The following RIMS2 variants were observed in gnomAD, a reference collection of about 807,000 sequenced individuals.
The protein encoded by RIMS2 is regulating synaptic membrane exocytosis protein 2.
A neutral mutation model predicts 174.4 loss-of-function variants in RIMS2; 59 were observed. The observed-to-expected ratio is 0.34, with a 90% CI of 0.27 to 0.42. The LOEUF (loss-of-function observed/expected upper bound fraction) is 0.42. RIMS2 is among the 10% of genes least tolerant of loss of function. The pLI, the probability that RIMS2 is intolerant of heterozygous loss-of-function variation, is 1.00. For missense variants in RIMS2, 1,620 were observed against 1,666.3 expected, an observed-to-expected ratio of 0.97 and a Z score of 0.48; for synonymous variants, 606 against 572.5, an observed-to-expected ratio of 1.06 and a Z score of -0.84.
intron 3 of RIMS2, among the ~76,000 whole-genome samples, chr8:103,772,682 C>T (rs1474169198): frequency 6.6e-6 from 1 of 152,078 alleles, no homozygotes; most frequent in East Asian, 1.9e-4. Context: ...TAGTTAGAGG[C>T]ATAACACTAC....
rs147752115 is a variant in RIMS2, at chr8:103,821,881, G to T, written c.698+55344G>T. Among the ~76,000 whole-genome samples the T allele has an allele frequency of 1.4e-4, 21 of 151,654 alleles. No individual in the cohort carries two copies. The East Asian group carries it at 4.1e-3, about 29-fold the overall frequency. ...TGTCATCAAAAGATCTCATATGCAA[G>T]AATTTAGATTTTTTTTCTGAATAAT... On this transcript the variant is annotated intron_variant, in intron 3 of 23. Transcript: ENST00000504942.
At chr8:103,577,315 A>G (rs2093320342) in intron 1 of RIMS2, among the ~76,000 whole-genome samples, 4 of 152,222 alleles carry the variant, frequency 2.6e-5, no homozygotes. Flanking sequence ...CAACAGACAC[A>G]TGAAAAAAAT....
intron 14 of RIMS2, among the ~76,000 whole-genome samples, chr8:103,944,687 C>T (rs1413124873): frequency 6.6e-6 from 1 of 152,042 alleles, no homozygotes. Context: ...AATATTTTCA[C>T]ATCCCCATAT....
chr8:104,245,202 C>A (rs1020082755), intron 20 of RIMS2, 145 bp downstream of exon 26: 2 of 734,130 alleles, frequency 2.7e-6, no homozygotes, highest in Middle Eastern at 4.0e-4. Context: ...GAACTTTGCT[C>A]ACCTGCCACT....
At chr8:103,942,917 A>G in exon 14 of RIMS2, 1 of 1,604,070 alleles carries the variant, frequency 6.2e-7, no homozygotes, top group Non-Finnish European at 8.5e-7. Context: ...CCCAACACGG[A>G]GGTTGCAAAG....
At chr8:103,950,306 C>T (rs1465364266) in intron 14 of RIMS2, among the ~76,000 whole-genome samples, 1 of 152,022 alleles carries the variant, frequency 6.6e-6, no homozygotes, top group Admixed American at 6.6e-5. Context: ...CAACAACTAA[C>T]ATATTAAAAG....
At chr8:103,644,934 C>T (rs2096296834) in intron 1 of RIMS2, among the ~76,000 whole-genome samples, 1 of 151,726 alleles carries the variant, frequency 6.6e-6, no homozygotes, top group South Asian at 2.1e-4. Context: ...AGATTCTCAC[C>T]CAGGAGTTCT....
intron 11 of RIMS2, among the ~76,000 whole-genome samples, chr8:103,928,935 T>C (rs2079325451): frequency 1.3e-5 from 2 of 151,526 alleles, no homozygotes; most frequent in Admixed American, 1.3e-4. Flanking sequence ...AAATTAAGAA[T>C]GTTATAAAGT....
At chr8:103,731,117 T>G (rs2097586896) in intron 2 of RIMS2, among the ~76,000 whole-genome samples, 2 of 152,126 alleles carry the variant, frequency 1.3e-5, no homozygotes, top group Admixed American at 1.3e-4. Flanking sequence ...ACCGCATGAT[T>G]CAATTACCTC....
chr8:104,207,819 AAT>A (rs934094352), intron 19 of RIMS2, among the ~76,000 whole-genome samples: 2 of 149,526 alleles, frequency 1.3e-5, no homozygotes, highest in African/African-American at 2.4e-5. Flanking sequence ...TTCTCAAAAA[AAT>A]ATATATATAT....
At chr8:103,705,093 G>A (rs891735578) in intron 2 of RIMS2, among the ~76,000 whole-genome samples, 10 of 151,790 alleles carry the variant, frequency 6.6e-5, no homozygotes, top group Non-Finnish European at 1.0e-4. Flanking sequence ...ATTTATTGAT[G>A]TAAACTTCCC....
chr8:103,795,119 T>A (rs1431319058), intron 3 of RIMS2, among the ~76,000 whole-genome samples: 1 of 152,184 alleles, frequency 6.6e-6, no homozygotes, highest in Non-Finnish European at 1.5e-5. Flanking sequence ...CATGCTGCTA[T>A]ACAGACACAT....
At chr8:104,051,022 C>T (rs1282431661) in intron 19 of RIMS2, among the ~76,000 whole-genome samples, 1 of 151,982 alleles carries the variant, frequency 6.6e-6, no homozygotes, top group African/African-American at 2.4e-5. Context: ...GGATCACTTG[C>T]GTCCAGGAGT....
intron 3 of RIMS2, among the ~76,000 whole-genome samples, chr8:103,789,928 A>G (rs1164339119): frequency 2.0e-5 from 3 of 151,474 alleles, no homozygotes; most frequent in Non-Finnish European, 4.4e-5. Context: ...ATTTTTTTCT[A>G]TTTTTAAACT....
At chr8:103,910,174 T>G in exon 5 of RIMS2, 1 of 1,612,144 alleles carries the variant, frequency 6.2e-7, no homozygotes. Flanking sequence ...CGTCTTGGCA[T>G]AGCAGTGAGG....
intron 19 of RIMS2, among the ~76,000 whole-genome samples, 200 bp downstream of exon 25, chr8:104,149,048 C>G (rs1183828055): frequency 6.6e-6 from 1 of 152,160 alleles, no homozygotes; most frequent in Non-Finnish European, 1.5e-5. Context: ...TCCAAGTGAA[C>G]CTTGGCCAGT....
At chr8:104,199,858 CTCCT>C (rs1337153260) in intron 19 of RIMS2, among the ~76,000 whole-genome samples, 1 of 152,150 alleles carries the variant, frequency 6.6e-6, no homozygotes, top group African/African-American at 2.4e-5. Flanking sequence ...GGAGTTGGGC[CTCCT>C]TCCTGAGGAC....
chr8:103,852,482 A>AT (rs961876354), intron 3 of RIMS2, among the ~76,000 whole-genome samples: 141 of 150,544 alleles, frequency 9.4e-4, no homozygotes, highest in African/African-American at 3.2e-3. Flanking sequence ...ATTGCAGTAT[A>AT]TCTCAGTGGG....
intron 14 of RIMS2, among the ~76,000 whole-genome samples, chr8:103,953,753 A>G (rs1392291720): frequency 6.6e-6 from 1 of 152,208 alleles, no homozygotes; most frequent in Non-Finnish European, 1.5e-5. Context: ...ACATAACAAT[A>G]TTAACCTTAA....
Sources: gnomAD v4.1 joint callset for allele counts (sites outside exome capture counted in the v4.1 genomes callset) on GRCh38, gnomAD v4.1.1 for gene constraint, MANE v1.5 for transcripts, NCBI Gene and HGNC (gene_info 2026-07-23, HGNC 2026-07-21) for gene names.